FAM174B: variants seen among roughly 807,000 people sequenced by gnomAD.
FAM174B encodes the protein family with sequence similarity 174 member B.
FAM174B carries 12 observed loss-of-function variants against 10.9 expected under a neutral mutation model. The ratio of observed to expected loss-of-function variants is 1.10; its 90% confidence interval spans 0.71 to 1.79. FAM174B has a LOEUF of 1.79. Among genes scored for constraint, FAM174B ranks in the 40% most tolerant of loss-of-function variants. The pLI, the probability that FAM174B is intolerant of heterozygous loss-of-function variation, is 0.00. For missense variants in FAM174B, 266 were observed against 233.3 expected (o/e 1.14, Z -0.91); for synonymous variants, 132 against 115.8 (o/e 1.14, Z -0.90).
intron 1 of FAM174B, 159 bp downstream of exon 1, chr15:92,655,157 G>C: frequency 9.6e-7 from 1 of 1,039,128 alleles, no homozygotes; most frequent in Non-Finnish European, 1.3e-6. Context: ...AGCACACCCC[G>C]GCCCCCCACC....
At chr15:92,648,534 A>G (rs2050943786) in intron 1 of FAM174B, among the ~76,000 whole-genome samples, 1 of 152,214 alleles carries the variant, frequency 6.6e-6, no homozygotes, top group African/African-American at 2.4e-5. Context: ...AAAAGGGCCA[A>G]GCTGAGCATC....
intron 2 of FAM174B, among the ~76,000 whole-genome samples, chr15:92,629,788 G>A (rs1596296058): frequency 1.3e-5 from 2 of 152,210 alleles, no homozygotes; most frequent in African/African-American, 4.8e-5. Context: ...GGACTCGGTA[G>A]GTAACTGAAT....
intron 2 of FAM174B, among the ~76,000 whole-genome samples, chr15:92,629,806 C>A (rs2141952564): frequency 6.6e-6 from 1 of 152,238 alleles, no homozygotes; most frequent in African/African-American, 2.4e-5. Context: ...AATCACAGGG[C>A]TGGGCCTTCC....
intron 1 of FAM174B, among the ~76,000 whole-genome samples, chr15:92,646,842 C>A (rs551912688): frequency 6.6e-6 from 1 of 152,178 alleles, no homozygotes; most frequent in African/African-American, 2.4e-5. Context: ...AGTTATCCCC[C>A]CTTCCACTTA....
rs2050703589 is a variant in FAM174B at position 92,619,406 on chromosome 15, T to C, written c.*50A>G. ...CAGGTCCAGTCCTTCACACCCCAGG[T>C]TGCAGCTGACCAACTTTCCACAGGA... On this transcript the variant is annotated 3_prime_UTR_variant, in exon 3 of 3. Coordinates refer to ENST00000327355, the MANE Select transcript of FAM174B (RefSeq NM_207446.3). 1.2e-6 allele frequency: 2 copies of C among 1,613,028 alleles called. No homozygotes were observed. Among genetic ancestry groups the C allele is most frequent in the Middle Eastern group, 3.3e-4 (2 of 6,062 alleles).
At chr15:92,655,198 G>A (rs1030426643) in intron 1 of FAM174B, 118 bp downstream of exon 1, 4 of 1,371,066 alleles carry the variant, frequency 2.9e-6, no homozygotes, top group South Asian at 1.7e-5. Context: ...GAGGCACACG[G>A]CTGGCTGGGG....
At chr15:92,638,800 TGG>T (rs960216244) in intron 1 of FAM174B, among the ~76,000 whole-genome samples, 2 of 152,182 alleles carry the variant, frequency 1.3e-5, no homozygotes, top group African/African-American at 4.8e-5. Flanking sequence ...GCAACCAGGC[TGG>T]GTTTTCTCCT....
intron 2 of FAM174B, among the ~76,000 whole-genome samples, chr15:92,623,016 C>T (rs1047731768): frequency 9.2e-5 from 14 of 151,976 alleles, no homozygotes; most frequent in African/African-American, 2.4e-4. Flanking sequence ...ATTAGCTGGG[C>T]GTGGTGGCAG....
chr15:92,643,698 G>A (rs553805888), intron 1 of FAM174B, among the ~76,000 whole-genome samples: 273 of 152,084 alleles, frequency 1.8e-3, no homozygotes, highest in Middle Eastern at 3.4e-3. Context: ...GGCTTTGCCC[G>A]GCTATCCTGG....
intron 2 of FAM174B, among the ~76,000 whole-genome samples, chr15:92,620,833 A>AAAAAAAAAG (rs2050714992): frequency 6.6e-6 from 1 of 151,514 alleles, no homozygotes; most frequent in African/African-American, 2.4e-5. Flanking sequence ...AAAAAAAAAA[A>AAAAAAAAAG]AAAAACTGAC....
chr15:92,638,742 A>AG (rs1007600840), intron 1 of FAM174B, among the ~76,000 whole-genome samples: 1 of 152,148 alleles, frequency 6.6e-6, no homozygotes, highest in African/African-American at 2.4e-5. Context: ...TACTTACTCC[A>AG]GGGGGCCACA....
At chr15:92,653,228 C>A (rs2050978812) in intron 1 of FAM174B, 1 of 152,168 alleles carries the variant, frequency 6.6e-6, no homozygotes, top group Non-Finnish European at 1.5e-5. Context: ...CACTCCACAC[C>A]CAAGCTACTA....
At chr15:92,625,015 A>G (rs1346291776) in intron 2 of FAM174B, among the ~76,000 whole-genome samples, 1 of 152,242 alleles carries the variant, frequency 6.6e-6, no homozygotes, top group Non-Finnish European at 1.5e-5. Flanking sequence ...AAACACATGC[A>G]GCCGAAACCC....
In FAM174B at chr15:92,631,301, TA is replaced by T. The variant is rs2050806116; in HGVS notation, c.345-957del. Among the ~76,000 whole-genome samples, 6 of 9,208 alleles carry T rather than the reference TA, an allele frequency of 6.5e-4. 2 individuals carry two copies. The highest frequency in any genetic ancestry group is 1.5e-3 in the African/African-American group (3 of 1,994). The allele number at this position is 9,208 out of a possible 152,430, so 6.0% of individuals were successfully genotyped here. ...TATATAATATATTATATATTATATATAATATATTATATATAATATTATATAT... is the reference window on the plus strand; with the variant it reads ...TATATAATATATTATATATTATATATATATATTATATATAATATTATATAT... On this transcript the variant is annotated intron_variant, in intron 1 of 2. Transcript: ENST00000327355.
intron 2 of FAM174B, among the ~76,000 whole-genome samples, chr15:92,622,219 T>A (rs2141947305): frequency 6.6e-6 from 1 of 152,324 alleles, no homozygotes; most frequent in South Asian, 2.1e-4. Flanking sequence ...CACCCCCAGG[T>A]TGCTGTCTAC....
intron 1 of FAM174B, among the ~76,000 whole-genome samples, chr15:92,640,551 C>CAAAAAAAA (rs60865026): frequency 1.5e-5 from 1 of 67,668 alleles, no homozygotes; most frequent in African/African-American, 5.7e-5. Flanking sequence ...GACTCCATCT[C>CAAAAAAAA]AAAAAAAAAA....
intron 2 of FAM174B, among the ~76,000 whole-genome samples, chr15:92,624,307 A>G (rs931698776): frequency 6.6e-6 from 1 of 152,086 alleles, no homozygotes; most frequent in Non-Finnish European, 1.5e-5. Flanking sequence ...AATGATGCCC[A>G]TTGTTTCTAT....
intron 1 of FAM174B, among the ~76,000 whole-genome samples, chr15:92,654,047 T>C (rs2050984623): frequency 6.6e-6 from 1 of 152,218 alleles, no homozygotes; most frequent in Admixed American, 6.5e-5. Context: ...CGATGTGGCC[T>C]GAGACAAGGC....
chr15:92,641,168 G>C (rs1046614786), intron 1 of FAM174B, among the ~76,000 whole-genome samples: 8 of 152,210 alleles, frequency 5.3e-5, no homozygotes, highest in African/African-American at 1.9e-4. Context: ...GATCTTCACA[G>C]AGATTCAATT....
Sources: allele counts gnomAD v4.1 joint callset (sites outside exome capture counted in the v4.1 genomes callset), GRCh38; gene constraint gnomAD v4.1.1; transcripts MANE v1.5; gene names NCBI Gene and HGNC (gene_info 2026-07-23, HGNC 2026-07-21).